Variants in RPS6KA6 observed in about 807,000 individuals in gnomAD.
RPS6KA6 encodes the protein ribosomal protein S6 kinase alpha-6.
A neutral mutation model predicts 65.4 loss-of-function variants in RPS6KA6; 27 were observed. That is an observed-to-expected ratio of 0.41 (90% confidence interval 0.30 to 0.57). The LOEUF (loss-of-function observed/expected upper bound fraction) is 0.57. RPS6KA6 is among the 20% of genes least tolerant of loss of function. The probability of loss-of-function intolerance (pLI) is 0.24; values close to 1 mark genes in which losing one functional copy is unlikely to be tolerated. For synonymous variants in RPS6KA6, 190 were observed against 184.2 expected, an observed-to-expected ratio of 1.03 and a Z score of -0.26; for missense variants, 486 against 555.6, an observed-to-expected ratio of 0.87 and a Z score of 1.26.
intron 3 of RPS6KA6, among the ~76,000 whole-genome samples, chrX:84,152,692 C>G (rs1377689637): frequency 1.8e-5 from 2 of 111,402 alleles, no homozygotes; most frequent in African/African-American, 3.3e-5. Context: ...CAGAAATAAA[C>G]TGTGAACTTG....
intron 8 of RPS6KA6, among the ~76,000 whole-genome samples, chrX:84,131,193 T>C (rs2034889096): frequency 9.0e-6 from 1 of 111,621 alleles, no homozygotes; most frequent in African/African-American, 3.3e-5. Flanking sequence ...AGTTTTAATA[T>C]ATGTAAAGTA....
intron 20 of RPS6KA6, among the ~76,000 whole-genome samples, chrX:84,066,639 C>T (rs2033410947): frequency 9.0e-6 from 1 of 111,289 alleles, no homozygotes; most frequent in Non-Finnish European, 1.9e-5. Flanking sequence ...AACCCCATTT[C>T]CCTGGGACAG....
At chrX:84,075,378 A>G (rs2033643499) in intron 20 of RPS6KA6, among the ~76,000 whole-genome samples, 1 of 112,078 alleles carries the variant, frequency 8.9e-6, no homozygotes, top group Admixed American at 9.5e-5. Flanking sequence ...ACAACAAAAG[A>G]GCAGTTTGAG....
intron 3 of RPS6KA6, among the ~76,000 whole-genome samples, chrX:84,153,535 A>G (rs1334816546): frequency 8.9e-6 from 1 of 111,888 alleles, no homozygotes; most frequent in African/African-American, 3.2e-5. Context: ...TGACTTTAGC[A>G]GGGTTCCCCC....
intron 20 of RPS6KA6, among the ~76,000 whole-genome samples, chrX:84,076,108 C>T (rs1051191902): frequency 8.9e-6 from 1 of 111,865 alleles, no homozygotes; most frequent in Non-Finnish European, 1.9e-5. Flanking sequence ...TGCCAGTGCT[C>T]ACTCAAGAAG....
chrX:84,066,585 G>T (rs1467326959), intron 20 of RPS6KA6, among the ~76,000 whole-genome samples: 2 of 110,947 alleles, frequency 1.8e-5, no homozygotes, highest in African/African-American at 6.6e-5. Flanking sequence ...TCTGGGCAGG[G>T]CGTGTCTGAA....
chrX:84,086,330 A>G (rs955701005), intron 20 of RPS6KA6, among the ~76,000 whole-genome samples: 7 of 111,580 alleles, frequency 6.3e-5, no homozygotes, highest in South Asian at 7.4e-4. Flanking sequence ...GTTTTAGCTG[A>G]GTCTCAGAGA....
chrX:84,132,997 A>C (rs922454535), intron 8 of RPS6KA6, among the ~76,000 whole-genome samples: 3 of 112,019 alleles, frequency 2.7e-5, no homozygotes, highest in Non-Finnish European at 5.6e-5. Flanking sequence ...GGAGAAAGAA[A>C]GCAAACAAGA....
intron 12 of RPS6KA6, 113 bp from the exon 13 acceptor site, chrX:84,107,838 T>C: frequency 2.9e-6 from 1 of 349,382 alleles, no homozygotes; most frequent in Non-Finnish European, 4.9e-6. Flanking sequence ...ACTAACAATT[T>C]CATAGTTTCA....
chrX:84,084,052 A>T, intron 20 of RPS6KA6, among the ~76,000 whole-genome samples: 1 of 110,128 alleles, frequency 9.1e-6, no homozygotes, highest in East Asian at 2.8e-4. Context: ...TCCTTTGACA[A>T]CTTTTGAATG....
chrX:84,080,186 A>G (rs1431754321), intron 20 of RPS6KA6, among the ~76,000 whole-genome samples: 2 of 105,151 alleles, frequency 1.9e-5, no homozygotes, highest in African/African-American at 6.9e-5. Context: ...AACAGGCAGC[A>G]ATCTTTGCTG....
intron 19 of RPS6KA6, 127 bp from the exon 20 acceptor site, chrX:84,096,438 CACTGTT>C: frequency 3.0e-6 from 1 of 330,668 alleles, no homozygotes; most frequent in Non-Finnish European, 5.4e-6. Flanking sequence ...TATTTCCTTT[CACTGTT>C]AAAGTCAAAT....
chrX:84,140,751 A>AC (rs2035083180), intron 6 of RPS6KA6, among the ~76,000 whole-genome samples: 1 of 103,737 alleles, frequency 9.6e-6, no homozygotes, highest in African/African-American at 3.5e-5. Context: ...AAAAAAAAAA[A>AC]AACATACATA....
At chrX:84,081,591 T>C (rs1477716891) in intron 20 of RPS6KA6, among the ~76,000 whole-genome samples, 2 of 111,158 alleles carry the variant, frequency 1.8e-5, no homozygotes, top group South Asian at 3.8e-4. Flanking sequence ...AATAGAAAAA[T>C]AGGGACTCCT....
chrX:84,116,428 AT>A, intron 11 of RPS6KA6, 141 bp from the exon 12 acceptor site: 1 of 345,367 alleles, frequency 2.9e-6, no homozygotes, highest in Non-Finnish European at 5.1e-6. Context: ...CTTATCTGGC[AT>A]TTTATTAGCT....
intron 8 of RPS6KA6, among the ~76,000 whole-genome samples, chrX:84,131,129 T>C (rs952113365): frequency 2.7e-5 from 3 of 111,984 alleles, no homozygotes; most frequent in South Asian, 7.4e-4. Flanking sequence ...GACACTGACA[T>C]TGATGCAGTC....
At chrX:84,148,367 C>T (rs914441042) in intron 3 of RPS6KA6, among the ~76,000 whole-genome samples, 3 of 110,706 alleles carry the variant, frequency 2.7e-5, no homozygotes, top group African/African-American at 9.8e-5. Flanking sequence ...ATATGTACAA[C>T]TATTTGTCAA....
At chrX:84,073,474 T>G (rs2033592006) in intron 20 of RPS6KA6, among the ~76,000 whole-genome samples, 1 of 111,451 alleles carries the variant, frequency 9.0e-6, no homozygotes, top group African/African-American at 3.3e-5. Context: ...TGGATAAGAA[T>G]TTTTGGGCAA....
intron 20 of RPS6KA6, among the ~76,000 whole-genome samples, chrX:84,086,459 TGTG>T (rs1351253256): frequency 8.9e-6 from 1 of 111,887 alleles, no homozygotes; most frequent in African/African-American, 3.2e-5. Context: ...CGTGTAGTTG[TGTG>T]GTTTTGAGTA....
Sources: gnomAD v4.1 joint callset for allele counts (sites outside exome capture counted in the v4.1 genomes callset) on GRCh38, gnomAD v4.1.1 for gene constraint, MANE v1.5 for transcripts, NCBI Gene and HGNC (gene_info 2026-07-23, HGNC 2026-07-21) for gene names.